MSRA: variants seen among roughly 807,000 people sequenced by gnomAD.
MSRA encodes methionine sulfoxide reductase A, also known as mitochondrial peptide methionine sulfoxide reductase.
A neutral mutation model predicts 31.3 loss-of-function variants in MSRA; 54 were observed. The observed-to-expected ratio is 1.73, with a 90% confidence interval of 1.39 to 2.17. MSRA has a LOEUF of 2.17. MSRA is among the 30% of genes most tolerant of loss of function. MSRA has a pLI of 0.00. For synonymous variants in MSRA, 169 were observed against 116.5 expected, an observed-to-expected ratio of 1.45 and a Z score of -2.90; for missense variants, 507 against 300.9, an observed-to-expected ratio of 1.69 and a Z score of -5.07.
chr8:10,083,677 A>G (rs1798404031), intron 1 of MSRA, among the ~76,000 whole-genome samples: 1 of 152,142 alleles, frequency 6.6e-6, no homozygotes, highest in Admixed American at 6.6e-5. Flanking sequence ...AATTTTATTC[A>G]AAGAGGTTTT....
rs554543766 is a variant in MSRA, at chr8:10,352,251, T to C, written c.543+32262T>C. Reference sequence around the variant, plus strand: ...GAATTTTTCCTGAATCCTTAAATTCTCATATATAAAAACATATAGATATGA... The same window carrying C: ...GAATTTTTCCTGAATCCTTAAATTCCCATATATAAAAACATATAGATATGA... On this transcript the variant is annotated intron_variant, in intron 5 of 5. Transcript: ENST00000317173. Among the ~76,000 whole-genome samples the C allele has an allele frequency of 7.9e-5, 12 of 152,348 alleles. No individual in the cohort carries two copies. In the South Asian group the frequency reaches 1.0e-3, roughly 13 times the overall value.
intron 3 of MSRA, among the ~76,000 whole-genome samples, chr8:10,274,007 C>G (rs1799185216): frequency 1.3e-5 from 2 of 152,104 alleles, no homozygotes; most frequent in South Asian, 2.1e-4. Flanking sequence ...TGAAGGAAGC[C>G]TCTGGGAACC....
intron 4 of MSRA, among the ~76,000 whole-genome samples, chr8:10,314,164 T>A (rs951103563): frequency 6.6e-6 from 1 of 151,896 alleles, no homozygotes; most frequent in African/African-American, 2.4e-5. Flanking sequence ...TATCAAAATC[T>A]GACAACTTTG....
chr8:10,276,153 C>T (rs1488686764), intron 3 of MSRA, among the ~76,000 whole-genome samples: 1 of 152,302 alleles, frequency 6.6e-6, no homozygotes, highest in East Asian at 1.9e-4. Flanking sequence ...GTGGTGGCTA[C>T]TCTGTTTCTT....
intron 2 of MSRA, among the ~76,000 whole-genome samples, chr8:10,213,202 C>T (rs536967150): frequency 6.6e-6 from 1 of 152,250 alleles, no homozygotes; most frequent in Admixed American, 6.5e-5. Flanking sequence ...TACTACCTAC[C>T]CTTCCCAGCC....
chr8:10,108,592 T>G (rs181846562), intron 1 of MSRA, among the ~76,000 whole-genome samples: 8 of 152,302 alleles, frequency 5.3e-5, no homozygotes, highest in Admixed American at 2.0e-4. Flanking sequence ...CATGCCCTCT[T>G]CTCTTGATTC....
At position 10,333,120 on chromosome 8, in the gene MSRA, A is replaced by G. The variant is rs562583203; in HGVS notation, c.543+13131A>G. Among the ~76,000 whole-genome samples the G allele has an allele frequency of 8.0e-4, 121 of 152,178 alleles. 1 individual carries two copies. The highest frequency in any genetic ancestry group is 1.5e-3 in the Non-Finnish European group (103 of 68,030). On this transcript the variant is annotated intron_variant, in intron 5 of 5. Transcript: ENST00000317173. The stretch of plus-strand genomic sequence containing the variant: ...ATTTTAGTAGAAGTACAGTAGAAGT[A>G]TAGACACAAAATAATCCTGGCCAAC...
At chr8:10,398,597 G>A (rs1198815383) in intron 5 of MSRA, among the ~76,000 whole-genome samples, 4 of 152,186 alleles carry the variant, frequency 2.6e-5, no homozygotes, top group Non-Finnish European at 5.9e-5. Context: ...GTGCTGGGGA[G>A]ATGCTGCCTG....
rs547939204 is a variant in MSRA, at chr8:10,317,303, A to G, written c.437-2580A>G. Among the ~76,000 whole-genome samples, 97 of 152,340 alleles carry G rather than the reference A, an allele frequency of 6.4e-4. 1 individual carries two copies. In the Middle Eastern group the frequency reaches 0.02, roughly 32 times the overall value. On this transcript the variant is annotated intron_variant, in intron 4 of 5. Coordinates refer to ENST00000317173, the MANE Select transcript of MSRA (RefSeq NM_012331.5). ...AAAGTTCTCATTTTCAGACACATTT[A>G]TCACGTCTGCAATCAGGATGGATAA... is the stretch of plus-strand genomic sequence containing the variant.
At chr8:10,136,813 G>C (rs996435911) in intron 1 of MSRA, among the ~76,000 whole-genome samples, 3 of 152,100 alleles carry the variant, frequency 2.0e-5, no homozygotes, top group Admixed American at 6.5e-5. Flanking sequence ...TGTGTGTCTT[G>C]CCCTCTCCTT....
At chr8:10,376,940 G>C (rs940955078) in intron 5 of MSRA, among the ~76,000 whole-genome samples, 17 of 152,170 alleles carry the variant, frequency 1.1e-4, no homozygotes, top group African/African-American at 3.9e-4. Context: ...GTTTTAAAAA[G>C]GGTGTAAGCG....
At chr8:10,137,024 G>A (rs144888452) in intron 1 of MSRA, among the ~76,000 whole-genome samples, 3 of 152,194 alleles carry the variant, frequency 2.0e-5, no homozygotes, top group Non-Finnish European at 2.9e-5. Context: ...TATTTTTGTC[G>A]AATTCTGCAG....
At chr8:10,083,784 T>C (rs1431752669) in intron 1 of MSRA, among the ~76,000 whole-genome samples, 1 of 152,222 alleles carries the variant, frequency 6.6e-6, no homozygotes, top group Non-Finnish European at 1.5e-5. Context: ...TTGATGTCTG[T>C]GGATTAATGG....
intron 3 of MSRA, among the ~76,000 whole-genome samples, chr8:10,245,621 C>G (rs1797584391): frequency 6.6e-6 from 1 of 152,218 alleles, no homozygotes; most frequent in East Asian, 1.9e-4. Context: ...CTGCTTTACT[C>G]TTTGGCCTGG....
intron 1 of MSRA, among the ~76,000 whole-genome samples, chr8:10,123,529 C>T (rs1399593849): frequency 6.6e-6 from 1 of 152,112 alleles, no homozygotes; most frequent in African/African-American, 2.4e-5. Flanking sequence ...TAATTAGATC[C>T]CATTTGTCAA....
chr8:10,128,012 T>C (rs2129022206), intron 1 of MSRA, among the ~76,000 whole-genome samples: 1 of 152,050 alleles, frequency 6.6e-6, no homozygotes, highest in South Asian at 2.1e-4. Flanking sequence ...CCGTGGTGCA[T>C]TTCCAGAGAG....
intron 3 of MSRA, among the ~76,000 whole-genome samples, chr8:10,266,864 T>C (rs1461146837): frequency 6.6e-6 from 1 of 152,218 alleles, no homozygotes; most frequent in South Asian, 2.1e-4. Flanking sequence ...TACTGTCATA[T>C]TAAAATGCAA....
At position 10,269,631 on chromosome 8, in the gene MSRA, TTTG is replaced by T. The variant is rs1229659425; in HGVS notation, c.331+24423_331+24425del. ...TACCGCTTACTCTCTCTTTTGGTTT[TTTG>T]TTGTTGTTGTTGTTTGTTTGTTTTT... is the stretch of plus-strand genomic sequence containing the variant. On this transcript the variant is annotated intron_variant, in intron 3 of 5. Coordinates refer to ENST00000317173, the MANE Select transcript of MSRA (RefSeq NM_012331.5). Among the ~76,000 whole-genome samples the T allele has an allele frequency of 2.6e-5, 4 of 151,206 alleles. No homozygotes were observed. In the East Asian group the frequency reaches 6.0e-4, roughly 23 times the overall value.
chr8:10,107,536 C>G (rs1333732081), intron 1 of MSRA, among the ~76,000 whole-genome samples: 1 of 152,296 alleles, frequency 6.6e-6, no homozygotes, highest in East Asian at 1.9e-4. Context: ...TGGATTCCTT[C>G]TAATGCTTTT....
Sources: allele counts gnomAD v4.1 joint callset (sites outside exome capture counted in the v4.1 genomes callset), GRCh38; gene constraint gnomAD v4.1.1; transcripts MANE v1.5; gene names NCBI Gene and HGNC (gene_info 2026-07-23, HGNC 2026-07-21).